DLG2: variants seen among roughly 807,000 people sequenced by gnomAD.
DLG2 encodes the protein discs large MAGUK scaffold protein 2.
In DLG2, 45 loss-of-function variants were observed where a neutral mutation model predicts 132.5. That is an observed-to-expected ratio of 0.34 (90% CI 0.27 to 0.44). The LOEUF (loss-of-function observed/expected upper bound fraction) is 0.44, where lower values mean the gene tolerates loss of function less well. Among genes scored for constraint, DLG2 ranks in the 20% least tolerant of loss-of-function variants. The pLI is 1.00. For synonymous variants in DLG2, 424 were observed against 419.6 expected, an observed-to-expected ratio of 1.01 and a Z score of -0.13; for missense variants, 1,045 against 1,196.9, an observed-to-expected ratio of 0.87 and a Z score of 1.87.
At chr11:84,801,625 C>A (rs936137484) in intron 6 of DLG2, among the ~76,000 whole-genome samples, 2 of 152,118 alleles carry the variant, frequency 1.3e-5, no homozygotes, top group Non-Finnish European at 1.5e-5. Flanking sequence ...GATAATTGAC[C>A]GTGATGGGAG....
Position 84,755,809 on chromosome 11 carries a change from T to C in DLG2, c.358-221078A>G, listed in dbSNP as rs73513198. 5.3e-3 allele frequency among the ~76,000 whole-genome samples: 807 copies of C among 152,342 alleles called. 9 individuals carry two copies. Among genetic ancestry groups the C allele is most frequent in the African/African-American group, 0.019 (777 of 41,576 alleles). ...AAGCAAAAAGGAAACCTGCCCAATTTTCAATATATGCTAGGGTGAAAATAA... is the reference window on the plus strand; with the variant it reads ...AAGCAAAAAGGAAACCTGCCCAATTCTCAATATATGCTAGGGTGAAAATAA... On this transcript the variant is annotated intron_variant, in intron 6 of 27. Transcript: ENST00000376104.
intron 3 of DLG2, among the ~76,000 whole-genome samples, chr11:85,458,744 T>A (rs149220454): frequency 6.6e-6 from 1 of 152,244 alleles, no homozygotes; most frequent in African/African-American, 2.4e-5. Flanking sequence ...TTACACATAG[T>A]GGCCTGTAGG....
At chr11:84,454,618 T>C (rs886626564) in intron 7 of DLG2, among the ~76,000 whole-genome samples, 3 of 151,510 alleles carry the variant, frequency 2.0e-5, no homozygotes, top group Admixed American at 6.6e-5. Context: ...AATAAATATA[T>C]TGTATTGTAT....
In DLG2 at chr11:84,678,871, T is replaced by C. The variant is rs575366593; in HGVS notation, c.358-144140A>G. ...TTTATTTAAATTTCTAAATCTCAGA[T>C]TTTTAATTTGTGATATAGCAGTAAT... On this transcript the variant is annotated intron_variant, in intron 6 of 27. Transcript: ENST00000376104. 9.2e-5 allele frequency among the ~76,000 whole-genome samples: 14 copies of C among 152,222 alleles called. No homozygotes were observed. In the East Asian group the frequency reaches 2.7e-3, roughly 29 times the overall value.
intron 6 of DLG2, among the ~76,000 whole-genome samples, chr11:84,722,480 C>T (rs184385371): frequency 2.0e-4 from 31 of 152,224 alleles, no homozygotes; most frequent in African/African-American, 6.7e-4. Flanking sequence ...CTTTGCCCCA[C>T]CCATATCCAA....
chr11:84,298,085 T>A (rs186774654), intron 7 of DLG2, among the ~76,000 whole-genome samples: 85 of 152,282 alleles, frequency 5.6e-4, no homozygotes, highest in Non-Finnish European at 1.1e-3. Context: ...TCTGAAGTAA[T>A]CTTATTTGTC....
intron 6 of DLG2, among the ~76,000 whole-genome samples, chr11:84,650,276 C>T (rs1357442192): frequency 6.6e-6 from 1 of 152,114 alleles, no homozygotes; most frequent in Non-Finnish European, 1.5e-5. Context: ...CTCATTACTC[C>T]ACTGAAACCA....
At chr11:84,321,429 T>C (rs1354548322) in intron 7 of DLG2, among the ~76,000 whole-genome samples, 1 of 152,178 alleles carries the variant, frequency 6.6e-6, no homozygotes, top group Non-Finnish European at 1.5e-5. Context: ...TTATCCTCAT[T>C]GATACTATAA....
At chr11:83,510,283 C>T (rs768125243) in intron 21 of DLG2, among the ~76,000 whole-genome samples, 14 of 147,572 alleles carry the variant, frequency 9.5e-5, no homozygotes, top group Non-Finnish European at 1.9e-4. Context: ...GATGTTGACT[C>T]AGTTTCAGGA....
intron 4 of DLG2, among the ~76,000 whole-genome samples, chr11:85,228,956 T>C (rs2075134444): frequency 6.6e-6 from 1 of 151,550 alleles, no homozygotes; most frequent in Non-Finnish European, 1.5e-5. Context: ...TTTTATTTTA[T>C]CTTTTTTATT....
chr11:84,468,039 T>G (rs2099099098), intron 7 of DLG2, among the ~76,000 whole-genome samples: 1 of 151,458 alleles, frequency 6.6e-6, no homozygotes, highest in Admixed American at 6.6e-5. Context: ...AAATACAAAT[T>G]AAAAACAATA....
At chr11:84,528,335 G>A (rs1024536181) in intron 7 of DLG2, among the ~76,000 whole-genome samples, 3 of 152,070 alleles carry the variant, frequency 2.0e-5, no homozygotes, top group Non-Finnish European at 4.4e-5. Flanking sequence ...ACTTCACACT[G>A]GCCAAAGCAC....
intron 4 of DLG2, among the ~76,000 whole-genome samples, chr11:85,224,473 G>C (rs2074855565): frequency 6.6e-6 from 1 of 152,136 alleles, no homozygotes; most frequent in African/African-American, 2.4e-5. Flanking sequence ...TGGCTGTACT[G>C]ATTAGTGATT....
intron 6 of DLG2, among the ~76,000 whole-genome samples, chr11:84,969,882 G>A (rs989994582): frequency 6.6e-5 from 10 of 152,080 alleles, no homozygotes; most frequent in Non-Finnish European, 1.2e-4. Context: ...ATGGATGAAG[G>A]TGGAAACCAT....
At chr11:84,414,634 G>A (rs1042738220) in intron 7 of DLG2, among the ~76,000 whole-genome samples, 4 of 152,124 alleles carry the variant, frequency 2.6e-5, no homozygotes, top group South Asian at 2.1e-4. Flanking sequence ...TTCAAATGCA[G>A]TATATAATCA....
intron 4 of DLG2, among the ~76,000 whole-genome samples, chr11:85,158,487 C>G (rs1399026330): frequency 4.6e-5 from 7 of 152,104 alleles, no homozygotes; most frequent in Non-Finnish European, 1.0e-4. Flanking sequence ...CTACTCATCC[C>G]AGCTGGGAGG....
At chr11:84,498,957 T>A (rs921976781) in intron 7 of DLG2, among the ~76,000 whole-genome samples, 1 of 152,146 alleles carries the variant, frequency 6.6e-6, no homozygotes, top group African/African-American at 2.4e-5. Context: ...GAAGGATGAG[T>A]TGCTTAGACA....
intron 3 of DLG2, among the ~76,000 whole-genome samples, chr11:85,571,716 C>T (rs2077852397): frequency 6.6e-6 from 1 of 152,174 alleles, no homozygotes; most frequent in Non-Finnish European, 1.5e-5. Context: ...GCAGCTTCTT[C>T]CCAAGAATTT....
intron 3 of DLG2, among the ~76,000 whole-genome samples, chr11:85,482,248 A>T (rs1429371441): frequency 6.6e-6 from 1 of 151,924 alleles, no homozygotes; most frequent in Non-Finnish European, 1.5e-5. Flanking sequence ...TGAATATAGG[A>T]TCCAGGCTCC....
Sources: gnomAD v4.1 joint callset for allele counts (sites outside exome capture counted in the v4.1 genomes callset) on GRCh38, gnomAD v4.1.1 for gene constraint, MANE v1.5 for transcripts, NCBI Gene and HGNC (gene_info 2026-07-23, HGNC 2026-07-21) for gene names.